ITGAL: variants seen among roughly 807,000 people sequenced by gnomAD.
ITGAL encodes integrin subunit alpha L.
A neutral mutation model predicts 138.4 loss-of-function variants in ITGAL; 68 were observed. That is an observed-to-expected ratio of 0.49 (90% CI 0.40 to 0.60). ITGAL has a LOEUF of 0.60. Among genes scored for constraint, ITGAL ranks in the 20% least tolerant of loss-of-function variants. The pLI is 0.00. For synonymous variants in ITGAL, 561 were observed against 584.3 expected, an observed-to-expected ratio of 0.96 and a Z score of 0.57; for missense variants, 1,256 against 1,478.6, an observed-to-expected ratio of 0.85 and a Z score of 2.47.
chr16:30,491,449 C>T (rs1192310236), intron 11 of ITGAL, among the ~76,000 whole-genome samples: 1 of 151,912 alleles, frequency 6.6e-6, no homozygotes, highest in Non-Finnish European at 1.5e-5. Flanking sequence ...TAGACACCCA[C>T]CCCACTATAC....
chr16:30,520,105 C>T (rs538599093), intron 30 of ITGAL, 138 bp downstream of exon 30: 17 of 639,956 alleles, frequency 2.7e-5, no homozygotes, highest in Non-Finnish European at 4.4e-5. Context: ...CCTCAGCCTA[C>T]TCCCTCCTTC....
At position 30,521,972 on chromosome 16, in the gene ITGAL, A is replaced by G; in HGVS notation, c.*307A>G. The G allele has an allele frequency of 3.1e-6, 1 of 323,880 alleles. No homozygotes were observed. The highest frequency in any genetic ancestry group is 4.1e-5 in the South Asian group (1 of 24,374). The allele number at this position is 323,880 out of a possible 1,614,324, so 20.1% of individuals were successfully genotyped here. On this transcript the variant is annotated 3_prime_UTR_variant, in exon 31 of 31. Coordinates refer to ENST00000356798, the MANE Select transcript of ITGAL (RefSeq NM_002209.3). The stretch of plus-strand genomic sequence containing the variant: ...TCTGATCTAAATGTGGAGAAACTGT[A>G]GTCTCAGGACCTAGGGATGTTCTGG...
chr16:30,509,367 G>A (rs2051054825), intron 21 of ITGAL: 1 of 152,028 alleles, frequency 6.6e-6, no homozygotes, highest in Non-Finnish European at 1.5e-5. Context: ...TTACAAAATT[G>A]GGATGAAGAT....
intron 13 of ITGAL, among the ~76,000 whole-genome samples, chr16:30,495,112 C>T (rs1208152034): frequency 6.6e-6 from 1 of 152,176 alleles, no homozygotes; most frequent in East Asian, 1.9e-4. Flanking sequence ...GCAACCTCCA[C>T]CTCCCAGGTT....
chr16:30,499,729 A>ATT (rs1252031149), intron 17 of ITGAL, among the ~76,000 whole-genome samples: 3 of 105,570 alleles, frequency 2.8e-5, no homozygotes, highest in African/African-American at 5.3e-5. Flanking sequence ...ATATATATAT[A>ATT]TATATTTTTT....
chr16:30,474,406 G>A, intron 2 of ITGAL, 108 bp downstream of exon 2: 1 of 729,646 alleles, frequency 1.4e-6, no homozygotes, highest in Non-Finnish European at 2.4e-6. Flanking sequence ...GCACGAGGCA[G>A]CTCTCCAGGG....
intron 29 of ITGAL, among the ~76,000 whole-genome samples, chr16:30,519,013 G>A (rs1391110937): frequency 6.6e-6 from 1 of 152,102 alleles, no homozygotes; most frequent in Non-Finnish European, 1.5e-5. Context: ...CACATGAAGT[G>A]AGGAGTTCAA....
Position 30,479,471 on chromosome 16 carries a change from T to G in ITGAL, c.576+10T>G. On this transcript the variant is annotated intron_variant, in intron 6 of 30. Transcript: ENST00000356798. ...CAACACTTCGTACCAGGTAAAAAAG[T>G]TAGTTAGGATTCTTGGTTGCATGCA... 1 of 1,612,942 alleles carries G rather than the reference T, an allele frequency of 6.2e-7. No individual in the cohort carries two copies. Among genetic ancestry groups the G allele is most frequent in the Non-Finnish European group, 8.5e-7 (1 of 1,179,368 alleles).
rs1309771843 is a variant in ITGAL at position 30,484,140 on chromosome 16, A to C, written c.883A>C (p.Ser295Arg). The C allele has an allele frequency of 6.2e-7, 1 of 1,614,032 alleles. No homozygotes were observed. Among genetic ancestry groups the C allele is most frequent in the East Asian group, 2.2e-5 (1 of 44,882 alleles). Residue 295 changes from serine to arginine, a missense_variant, in exon 9 of 31, where the codon AGT becomes CGT. Physicochemically the swap from Ser to Arg is moderately radical, Grantham distance 110 (BLOSUM62 -1). Around this residue, in one of 3 missense-constraint regions of ITGAL, gnomAD observed 177 missense variants for 288.8 expected, o/e 0.61. Coordinates refer to ENST00000356798, the MANE Select transcript of ITGAL (RefSeq NM_002209.3). ...GIGKHFQTKESQETLHKFASK... is the reference protein window; with the variant it reads ...GIGKHFQTKERQETLHKFASK... Reference sequence around the variant, plus strand: ...TGGAAAGCATTTTCAGACCAAGGAGAGTCAGGAGACCCTCCACAAATTTGC... The same window carrying C: ...TGGAAAGCATTTTCAGACCAAGGAGCGTCAGGAGACCCTCCACAAATTTGC...
chr16:30,478,216 C>G (rs1378207441), intron 4 of ITGAL, among the ~76,000 whole-genome samples: 1 of 151,128 alleles, frequency 6.6e-6, no homozygotes, highest in African/African-American at 2.4e-5. Flanking sequence ...CACCTGTAGT[C>G]CCAGCTACTG....
At chr16:30,499,669 ATATATGTG>A in intron 17 of ITGAL, 180 bp downstream of exon 17, 2 of 208,706 alleles carry the variant, frequency 9.6e-6, no homozygotes, top group South Asian at 8.1e-5. Context: ...TAAATTATAT[ATATATGTG>A]TATATATATG....
intron 1 of ITGAL, chr16:30,473,966 G>C (rs2050428936): frequency 1.5e-6 from 1 of 671,848 alleles, no homozygotes; most frequent in African/African-American, 1.8e-5. Flanking sequence ...TTTTTGCAGA[G>C]AGGCCAAACG....
In ITGAL at chr16:30,520,625, G is replaced by A. The variant is rs184465442; in HGVS notation, c.3339+658G>A. 2.0e-4 allele frequency among the ~76,000 whole-genome samples: 30 copies of A among 152,284 alleles called. No individual in the cohort carries two copies. The South Asian group carries it at 5.4e-3, about 27-fold the overall frequency. The stretch of plus-strand genomic sequence containing the variant: ...CAAACATGCTCCCTGCCATTGTGGC[G>A]CTCACAGTCTAAGAGAGGACACAGG... On this transcript the variant is annotated intron_variant, in intron 30 of 30. Transcript: ENST00000356798.
At chr16:30,485,166 CCCTCT>C (rs2050622920) in intron 9 of ITGAL, among the ~76,000 whole-genome samples, 1 of 137,108 alleles carries the variant, frequency 7.3e-6, no homozygotes, top group Non-Finnish European at 1.6e-5. Context: ...TCCTCCCCTC[CCCTCT>C]CCTCCCCTCT....
chr16:30,478,958 G>C, intron 4 of ITGAL, 133 bp from the exon 5 acceptor site: 1 of 707,480 alleles, frequency 1.4e-6, no homozygotes, highest in Non-Finnish European at 2.5e-6. Context: ...GACATTCCTT[G>C]CCTTGGTAAC....
chr16:30,501,124 G>C (rs1479831710), intron 17 of ITGAL, among the ~76,000 whole-genome samples: 1 of 152,086 alleles, frequency 6.6e-6, no homozygotes, highest in African/African-American at 2.4e-5. Context: ...GGGATTACGG[G>C]CATGAGCCAC....
At chr16:30,479,510 T>C (rs1597065334) in intron 6 of ITGAL, 49 bp downstream of exon 6, 2 of 1,569,286 alleles carry the variant, frequency 1.3e-6, no homozygotes, top group African/African-American at 1.4e-5. Flanking sequence ...GATGCCTACC[T>C]GAACTGACTT....
At chr16:30,474,064 C>A in intron 1 of ITGAL, 132 bp from the exon 2 acceptor site, 2 of 718,030 alleles carry the variant, frequency 2.8e-6, no homozygotes. Flanking sequence ...GAAGTCAACG[C>A]CCTGGAGGGG....
At chr16:30,478,195 G>A (rs934295171) in intron 4 of ITGAL, among the ~76,000 whole-genome samples, 5 of 151,108 alleles carry the variant, frequency 3.3e-5, no homozygotes, top group African/African-American at 9.7e-5. Context: ...TTAACTGGGC[G>A]TGGTGGTGGG....
Sources: gnomAD v4.1 joint callset for allele counts (sites outside exome capture counted in the v4.1 genomes callset) on GRCh38, gnomAD v4.1.1 for gene constraint, gnomAD v4.1.1 regional missense constraint, MANE v1.5 for transcripts, NCBI Gene and HGNC (gene_info 2026-07-23, HGNC 2026-07-21) for gene names.